The following BMP1 variants were observed in gnomAD, a reference collection of about 807,000 sequenced individuals.
The protein encoded by BMP1 is mammalian tolloid protein.
In BMP1, 63 loss-of-function variants were observed where a neutral mutation model predicts 116.8. That is an observed-to-expected ratio of 0.54 (90% CI 0.44 to 0.67). BMP1 has a LOEUF of 0.67. Ranked by LOEUF, BMP1 falls within the 30% of genes least tolerant of loss-of-function variation. The pLI, the probability that BMP1 is intolerant of heterozygous loss-of-function variation, is 0.00. For missense variants in BMP1, 1,183 were observed against 1,358.9 expected, an observed-to-expected ratio of 0.87 and a Z score of 2.04; for synonymous variants, 536 against 533.4, an observed-to-expected ratio of 1.00 and a Z score of -0.07.
chr8:22,191,987 C>A (rs1828945224), intron 8 of BMP1, 62 bp from the exon 9 acceptor site: 2 of 1,449,020 alleles, frequency 1.4e-6, no homozygotes, highest in Non-Finnish European at 1.9e-6. Flanking sequence ...CATCATGGGG[C>A]TGGCAGAGGG....
intron 8 of BMP1, among the ~76,000 whole-genome samples, chr8:22,183,422 A>G (rs773005311): frequency 3.3e-5 from 5 of 152,200 alleles, no homozygotes; most frequent in Non-Finnish European, 5.9e-5. Flanking sequence ...TCTCAAAACA[A>G]CAACAAAAAA....
intron 1 of BMP1, among the ~76,000 whole-genome samples, chr8:22,167,358 G>A (rs1828145534): frequency 6.6e-6 from 1 of 152,184 alleles, no homozygotes; most frequent in African/African-American, 2.4e-5. Context: ...GCCACACTGA[G>A]TGCCACATTG....
chr8:22,211,805 G>A lies in BMP1; in HGVS notation c.*77G>A, dbSNP rs950765032. 5 of 1,603,198 alleles carry A rather than the reference G, an allele frequency of 3.1e-6. No individual in the cohort carries two copies. In the African/African-American group the frequency reaches 5.3e-5, roughly 17 times the overall value. The stretch of plus-strand genomic sequence containing the variant: ...GACTGGATAGTGGGGGTGGGCGGAA[G>A]GCAACGCACCATCCCTCTCCCCCAG... On this transcript the variant is annotated 3_prime_UTR_variant, in exon 20 of 20. Transcript: ENST00000306385.
chr8:22,186,753 C>T (rs1475627353), intron 8 of BMP1, among the ~76,000 whole-genome samples: 3 of 152,166 alleles, frequency 2.0e-5, no homozygotes, highest in African/African-American at 4.8e-5. Context: ...CGTGAGCCCC[C>T]ATGCCTGGCC....
chr8:22,165,878 CGTGCGT>C (rs1412866748), intron 1 of BMP1, among the ~76,000 whole-genome samples: 8 of 67,800 alleles, frequency 1.2e-4, no homozygotes, highest in East Asian at 6.9e-4. Context: ...AACTCCTGTG[CGTGCGT>C]GTGTGTGTGT....
In BMP1 at chr8:22,201,796, C is replaced by G. The variant is rs1351800683; in HGVS notation, c.2108-7C>G. 4 of 1,613,230 alleles carry G rather than the reference C, an allele frequency of 2.5e-6. No homozygotes were observed. The highest frequency in any genetic ancestry group is 3.4e-6 in the Non-Finnish European group (4 of 1,179,988). On this transcript the variant is annotated splice_polypyrimidine_tract_variant and splice_region_variant and intron_variant, in intron 15 of 19. Transcript: ENST00000306385. ...CCCAGCGTCTGCCCTTATTTGCTCCCCTGCAGACAAGGACGAGTGCTCCAA... is the reference window on the plus strand; with the variant it reads ...CCCAGCGTCTGCCCTTATTTGCTCCGCTGCAGACAAGGACGAGTGCTCCAA...
chr8:22,210,446 CCTCT>C (rs35296515), intron 19 of BMP1, among the ~76,000 whole-genome samples: 11,908 of 135,612 alleles, frequency 0.088, 702 homozygotes, highest in Non-Finnish European at 0.13. Context: ...TCTCTCTTTC[CCTCT>C]CTCTCTCTCT....
chr8:22,189,586 C>G (rs1828873685), intron 8 of BMP1, among the ~76,000 whole-genome samples: 1 of 151,992 alleles, frequency 6.6e-6, no homozygotes, highest in African/African-American at 2.4e-5. Flanking sequence ...CCCACTTCAG[C>G]CTTCCTGGTA....
intron 15 of BMP1, among the ~76,000 whole-genome samples, chr8:22,198,171 A>G (rs900063831): frequency 6.6e-6 from 1 of 152,152 alleles, no homozygotes; most frequent in Non-Finnish European, 1.5e-5. Context: ...GTTTCTAAAA[A>G]TTTTTTTAAA....
chr8:22,205,819 G>C (rs1829342740), intron 16 of BMP1, among the ~76,000 whole-genome samples: 1 of 152,192 alleles, frequency 6.6e-6, no homozygotes, highest in Non-Finnish European at 1.5e-5. Flanking sequence ...ACCATGATCA[G>C]GAAGGTGAGG....
chr8:22,185,980 C>T (rs369705207), intron 8 of BMP1, among the ~76,000 whole-genome samples: 28 of 152,160 alleles, frequency 1.8e-4, no homozygotes, highest in Non-Finnish European at 3.7e-4. Flanking sequence ...GGATTACAGG[C>T]GCCTGCCACC....
In BMP1 at chr8:22,201,861, C is replaced by T. The variant is rs149426277; in HGVS notation, c.2166C>T (p.Phe722=). The T allele has an allele frequency of 5.7e-5, 92 of 1,613,678 alleles. No homozygotes were observed. The highest frequency in any genetic ancestry group is 7.4e-5 in the Non-Finnish European group (87 of 1,179,948). The change falls in exon 16 of 20, where the codon TTC becomes TTT. Residue 722 remains phenylalanine (F), a synonymous_variant. Coordinates refer to ENST00000306385, the MANE Select transcript of BMP1 (RefSeq NM_006129.5). ...GGCQQDCVNT[F]GSYECQCRSG... is the part of the protein sequence containing the mutation. ...GCCAGCAGGACTGCGTCAACACGTT[C>T]GGCAGTTATGAGTGCCAATGCCGCA...
chr8:22,211,804 A>T lies in BMP1; in HGVS notation c.*76A>T, dbSNP rs575629588. 3.7e-5 allele frequency: 60 copies of T among 1,604,374 alleles called. No individual in the cohort carries two copies. In the East Asian group the frequency reaches 1.2e-3, roughly 33 times the overall value. ...AGACTGGATAGTGGGGGTGGGCGGA[A>T]GGCAACGCACCATCCCTCTCCCCCA... On this transcript the variant is annotated 3_prime_UTR_variant, in exon 20 of 20. Coordinates refer to ENST00000306385, the MANE Select transcript of BMP1 (RefSeq NM_006129.5).
Position 22,196,388 on chromosome 8 carries a change from T to G in BMP1, c.1766-292T>G, listed in dbSNP as rs1021019277. 5 of 588,650 alleles carry G rather than the reference T, an allele frequency of 8.5e-6. No homozygotes were observed. In the African/African-American group the frequency reaches 9.2e-5, roughly 11 times the overall value. 36.5% of individuals were successfully genotyped at this position (588,650 alleles called of 1,614,324 possible). ...TGAACTGCTTTCCCTGAGCCCCTTA[T>G]TCCCGCTCACTCCCTCTTGGAGGAC... On this transcript the variant is annotated intron_variant, in intron 13 of 19. Coordinates refer to ENST00000306385, the MANE Select transcript of BMP1 (RefSeq NM_006129.5).
intron 1 of BMP1, chr8:22,169,776 G>C (rs902084285): frequency 2.4e-4 from 37 of 152,252 alleles, no homozygotes; most frequent in African/African-American, 8.7e-4. Context: ...GCCATGCCCT[G>C]GGGGAGGAGA....
At chr8:22,201,398 A>AC (rs1389107998) in intron 15 of BMP1, 1 of 1,441,684 alleles carries the variant, frequency 6.9e-7, no homozygotes, top group Non-Finnish European at 9.0e-7. Context: ...CCCGTGCCCT[A>AC]CCCCCTCCCA....
intron 1 of BMP1, 25 bp downstream of exon 1, chr8:22,165,578 G>A (rs1369294635): frequency 1.3e-6 from 2 of 1,563,924 alleles, no homozygotes; most frequent in Admixed American, 1.9e-5. Context: ...GCCCCCCGGC[G>A]ACGGGCCAGG....
At chr8:22,203,540 G>C (rs10110914) in intron 16 of BMP1, among the ~76,000 whole-genome samples, 34,379 of 152,064 alleles carry the variant, frequency 0.23, 7,555 homozygotes, top group African/African-American at 0.57. Flanking sequence ...CTGGGCAACA[G>C]AGCAAGACTC....
chr8:22,195,698 GTA>G, intron 13 of BMP1, 111 bp downstream of exon 13: 1 of 1,450,542 alleles, frequency 6.9e-7, no homozygotes, highest in Non-Finnish European at 9.2e-7. Context: ...CAGGCTGGAA[GTA>G]CAGTGGCTCA....
Sources: gnomAD v4.1 joint callset for allele counts (sites outside exome capture counted in the v4.1 genomes callset) on GRCh38, gnomAD v4.1.1 for gene constraint, MANE v1.5 for transcripts, NCBI Gene and HGNC (gene_info 2026-07-23, HGNC 2026-07-21) for gene names.